The following HMG20A variants were observed in gnomAD, a reference collection of about 807,000 sequenced individuals.
The protein encoded by HMG20A is high mobility group protein 20A.
HMG20A carries 17 observed loss-of-function variants against 43.9 expected under a neutral mutation model. The observed-to-expected ratio is 0.39, with a 90% CI of 0.27 to 0.58. HMG20A has a LOEUF of 0.58. Ranked by LOEUF, HMG20A falls within the 20% of genes least tolerant of loss-of-function variation. The pLI is 0.59. For missense variants in HMG20A, 341 were observed against 438.2 expected (o/e 0.78, Z 1.98); for synonymous variants, 132 against 147.5 (o/e 0.89, Z 0.76).
intron 1 of HMG20A, among the ~76,000 whole-genome samples, chr15:77,429,672 A>G (rs1307503644): frequency 6.6e-6 from 1 of 152,256 alleles, no homozygotes; most frequent in Non-Finnish European, 1.5e-5. Flanking sequence ...TAGCACTGAT[A>G]TCTATACTGT....
chr15:77,502,804 C>T, the HMG20A span, among the ~76,000 whole-genome samples: 1 of 151,672 alleles, frequency 6.6e-6, no homozygotes, highest in Non-Finnish European at 1.5e-5. Flanking sequence ...CCTGTCTCTA[C>T]AAAAAATAAA....
the HMG20A span, among the ~76,000 whole-genome samples, chr15:77,514,747 AC>A: frequency 6.6e-6 from 1 of 152,316 alleles, no homozygotes; most frequent in African/African-American, 2.4e-5. Flanking sequence ...CGACATAATC[AC>A]ATTGCATTGT....
chr15:77,430,700 A>G (rs2073475688), intron 1 of HMG20A, among the ~76,000 whole-genome samples: 1 of 152,222 alleles, frequency 6.6e-6, no homozygotes, highest in African/African-American at 2.4e-5. Flanking sequence ...CTAGAGAAGG[A>G]CAGTACCCAG....
At chr15:77,507,579 G>T in the HMG20A span, among the ~76,000 whole-genome samples, 24 of 152,350 alleles carry the variant, frequency 1.6e-4, no homozygotes, top group African/African-American at 5.8e-4. Flanking sequence ...CCAAGCCAGG[G>T]TGTGGCATCA....
chr15:77,455,415 C>G (rs1446821868), intron 1 of HMG20A, among the ~76,000 whole-genome samples: 5 of 151,374 alleles, frequency 3.3e-5, no homozygotes, highest in African/African-American at 1.2e-4. Flanking sequence ...AATTGGCACT[C>G]TTTTATATGT....
intron 3 of HMG20A, 191 bp downstream of exon 3, chr15:77,464,578 C>T (rs1008771690): frequency 1.3e-5 from 6 of 467,282 alleles, no homozygotes; most frequent in Non-Finnish European, 2.4e-5. Flanking sequence ...GACAGGTAGA[C>T]TCTTTTTTCC....
At chr15:77,490,101 C>A (rs559418619), downstream of HMG20A, among the ~76,000 whole-genome samples, 2 of 151,970 alleles carry the variant, frequency 1.3e-5, no homozygotes, top group African/African-American at 4.8e-5. Context: ...CATGGTGAAA[C>A]CATGTTTGTA....
At chr15:77,492,526 G>A in the HMG20A span, among the ~76,000 whole-genome samples, 7 of 152,296 alleles carry the variant, frequency 4.6e-5, no homozygotes, top group South Asian at 6.2e-4. Flanking sequence ...CAGGATGGAA[G>A]GTAAGAAGAG....
intron 1 of HMG20A, among the ~76,000 whole-genome samples, chr15:77,445,609 T>C (rs968464639): frequency 2.0e-5 from 3 of 152,214 alleles, no homozygotes; most frequent in Non-Finnish European, 4.4e-5. Context: ...ACTTTTACCT[T>C]TTCACTTAAA....
intron 1 of HMG20A, among the ~76,000 whole-genome samples, chr15:77,448,387 G>C (rs1388356132): frequency 6.6e-6 from 1 of 152,050 alleles, no homozygotes; most frequent in African/African-American, 2.4e-5. Context: ...CTTTGCACTA[G>C]TTGTTTCCTC....
chr15:77,428,167 C>T (rs1485008812), intron 1 of HMG20A, among the ~76,000 whole-genome samples: 1 of 152,170 alleles, frequency 6.6e-6, no homozygotes, highest in East Asian at 1.9e-4. Flanking sequence ...AGTACATAAA[C>T]AGAGCGAAAG....
the HMG20A span, among the ~76,000 whole-genome samples, chr15:77,509,189 A>G: frequency 6.6e-6 from 1 of 152,068 alleles, no homozygotes; most frequent in East Asian, 1.9e-4. Context: ...GCTGGGAGTC[A>G]AGGGATGGCA....
At chr15:77,489,879 T>C (rs2072963728), downstream of HMG20A, among the ~76,000 whole-genome samples, 1 of 152,172 alleles carries the variant, frequency 6.6e-6, no homozygotes, top group African/African-American at 2.4e-5. Flanking sequence ...AGCAAGATCA[T>C]GTAGATCCTC....
At chr15:77,489,334 G>C (rs2072961064), downstream of HMG20A, among the ~76,000 whole-genome samples, 2 of 152,274 alleles carry the variant, frequency 1.3e-5, 1 homozygote, top group South Asian at 4.1e-4. Context: ...TAAGTGACTT[G>C]TGCAGTTACA....
intron 1 of HMG20A, among the ~76,000 whole-genome samples, chr15:77,458,035 G>A (rs2072672040): frequency 6.6e-6 from 1 of 152,208 alleles, no homozygotes; most frequent in Non-Finnish European, 1.5e-5. Flanking sequence ...TGGTGAAATT[G>A]TAGCTCAAAG....
downstream of HMG20A, among the ~76,000 whole-genome samples, chr15:77,488,685 A>G (rs2072957758): frequency 6.6e-6 from 1 of 152,204 alleles, no homozygotes; most frequent in Non-Finnish European, 1.5e-5. Flanking sequence ...CATTTGGATT[A>G]ATTGTAATTT....
chr15:77,465,181 G>A (rs1215885085), intron 3 of HMG20A, among the ~76,000 whole-genome samples: 2 of 131,350 alleles, frequency 1.5e-5, no homozygotes, highest in African/African-American at 5.5e-5. Context: ...AGAATCTCTT[G>A]AACCCGGAGG....
rs537380723 is a variant in HMG20A, at chr15:77,442,027, G to T, written c.-4-16377G>T. Among the ~76,000 whole-genome samples, 46 of 152,186 alleles carry T rather than the reference G, an allele frequency of 3.0e-4. 1 individual carries two copies. The highest frequency in any genetic ancestry group is 1.3e-3 in the Admixed American group (20 of 15,294). On this transcript the variant is annotated intron_variant, in intron 1 of 9. Transcript: ENST00000336216. Reference sequence around the variant, plus strand: ...GATGAATCAAACACATTACATTTTAGGTTTATCTTAAGGTATATTGGCAAG... The same window carrying T: ...GATGAATCAAACACATTACATTTTATGTTTATCTTAAGGTATATTGGCAAG...
chr15:77,443,403 T>C (rs2073637729), intron 1 of HMG20A, among the ~76,000 whole-genome samples: 1 of 147,924 alleles, frequency 6.8e-6, no homozygotes, highest in African/African-American at 2.5e-5. Flanking sequence ...TTATTATTAT[T>C]ATTATTAAGT....
Sources: allele counts gnomAD v4.1 joint callset (sites outside exome capture counted in the v4.1 genomes callset), GRCh38; gene constraint gnomAD v4.1.1; transcripts MANE v1.5; gene names NCBI Gene and HGNC (gene_info 2026-07-23, HGNC 2026-07-21).